Variants in KAZN observed in about 807,000 individuals in gnomAD.
KAZN encodes kazrin.
KAZN carries 40 observed loss-of-function variants against 87.4 expected under a neutral mutation model. That is an observed-to-expected ratio of 0.46 (90% CI 0.36 to 0.60). The LOEUF is 0.60. KAZN is among the 20% of genes least tolerant of loss of function. The probability of loss-of-function intolerance (pLI) is 0.00; values close to 1 mark genes in which losing one functional copy is unlikely to be tolerated. For missense variants in KAZN, 898 were observed against 1,073.9 expected (o/e 0.84, Z 2.29); for synonymous variants, 466 against 458.3 (o/e 1.02, Z -0.22).
Position 14,923,946 on chromosome 1 carries a change from G to A in KAZN, c.227-36738G>A, listed in dbSNP as rs1383143250. 2.6e-5 allele frequency among the ~76,000 whole-genome samples: 4 copies of A among 151,810 alleles called. No individual in the cohort carries two copies. Among genetic ancestry groups the A allele is most frequent in the Admixed American group, 2.6e-4 (4 of 15,240 alleles). ...TCTTTCTGACCCTCCGTGTCCCCGG[G>A]AATGACCGCGTCGGGGATGCACCGA... On this transcript the variant is annotated intron_variant, in intron 1 of 14. Transcript: ENST00000376030. The surrounding 1 kb of genome is among the most constrained non-coding windows in gnomAD (Gnocchi z 4.2).
At chr1:14,892,903 C>T (rs531306384) in intron 1 of KAZN, among the ~76,000 whole-genome samples, 1 of 152,192 alleles carries the variant, frequency 6.6e-6, no homozygotes, top group East Asian at 1.9e-4. Context: ...GACCAGTCTC[C>T]TAAGATTATT....
intron 1 of KAZN, among the ~76,000 whole-genome samples, chr1:14,826,584 G>C (rs550112873): frequency 6.6e-6 from 1 of 152,074 alleles, no homozygotes; most frequent in Admixed American, 6.5e-5. Flanking sequence ...TCTCAGCCTC[G>C]GTCCCGCGCT....
At chr1:14,662,896 A>G (rs56409517) in intron 1 of KAZN, among the ~76,000 whole-genome samples, 4 of 147,644 alleles carry the variant, frequency 2.7e-5, no homozygotes, top group Non-Finnish European at 6.0e-5. Context: ...TATATATTAT[A>G]TATGTAAATA....
chr1:15,110,267 G>GTGTATA (rs1350729867), intron 13 of KAZN, among the ~76,000 whole-genome samples: 2 of 151,008 alleles, frequency 1.3e-5, no homozygotes, highest in Non-Finnish European at 3.0e-5. Flanking sequence ...ACTTGTGTGT[G>GTGTATA]TATATGTGTG....
intron 1 of KAZN, among the ~76,000 whole-genome samples, chr1:14,036,101 G>A (rs1022482680): frequency 6.6e-6 from 1 of 152,198 alleles, no homozygotes; most frequent in African/African-American, 2.4e-5. Context: ...AGCATCCCTG[G>A]CAGGGGGAAC....
chr1:14,425,348 G>T (rs144037027), intron 2 of KAZN, among the ~76,000 whole-genome samples: 1 of 152,172 alleles, frequency 6.6e-6, no homozygotes, highest in Admixed American at 6.5e-5. Context: ...GGCTCCAGCT[G>T]CAGTGTCCTC....
intron 1 of KAZN, among the ~76,000 whole-genome samples, chr1:14,921,369 AC>A (rs1209921636): frequency 6.6e-6 from 1 of 152,208 alleles, no homozygotes; most frequent in Non-Finnish European, 1.5e-5. Flanking sequence ...CCAATGGGCT[AC>A]ATAAAGACTT....
intron 2 of KAZN, among the ~76,000 whole-genome samples, chr1:14,230,865 G>C (rs763254229): frequency 6.6e-6 from 1 of 152,148 alleles, no homozygotes; most frequent in African/African-American, 2.4e-5. Context: ...TCAGTTTAGT[G>C]TTAAGATCAT....
chr1:14,785,628 T>C (rs1212297648), intron 1 of KAZN, among the ~76,000 whole-genome samples: 4 of 152,146 alleles, frequency 2.6e-5, no homozygotes, highest in Non-Finnish European at 5.9e-5. Flanking sequence ...TACCTCTCTA[T>C]CATTATGGCC....
intron 1 of KAZN, among the ~76,000 whole-genome samples, chr1:14,822,915 G>A (rs577796559): frequency 3.3e-5 from 5 of 152,280 alleles, no homozygotes; most frequent in South Asian, 2.1e-4. Flanking sequence ...GCCCTGGCCC[G>A]TGCCGCTTTG....
At chr1:14,045,758 T>C (rs1642043305) in intron 1 of KAZN, among the ~76,000 whole-genome samples, 1 of 152,180 alleles carries the variant, frequency 6.6e-6, no homozygotes, top group Admixed American at 6.5e-5. Flanking sequence ...GGATTAATAA[T>C]AGTAGGGTTG....
intron 1 of KAZN, among the ~76,000 whole-genome samples, chr1:13,896,572 G>A (rs1639054446): frequency 1.3e-5 from 2 of 152,172 alleles, no homozygotes; most frequent in South Asian, 4.1e-4. Flanking sequence ...GATTATAGGA[G>A]TGAGCAACCA....
chr1:14,363,915 GTGTA>G (rs1659734736), intron 2 of KAZN, among the ~76,000 whole-genome samples: 1 of 150,840 alleles, frequency 6.6e-6, no homozygotes, highest in East Asian at 1.9e-4. Flanking sequence ...GCGTGTATGT[GTGTA>G]TGTATTTTTT....
chr1:14,354,480 C>A (rs1271095371), intron 2 of KAZN, among the ~76,000 whole-genome samples: 2 of 151,942 alleles, frequency 1.3e-5, no homozygotes. Flanking sequence ...AAGAAAACAA[C>A]CCAGTACAAA....
At chr1:14,121,862 G>T (rs1423544591) in intron 1 of KAZN, among the ~76,000 whole-genome samples, 1 of 152,188 alleles carries the variant, frequency 6.6e-6, no homozygotes, top group African/African-American at 2.4e-5. Flanking sequence ...TTACTTACAG[G>T]AATATCTGAG....
At chr1:14,111,787 T>C (rs972651956) in intron 1 of KAZN, among the ~76,000 whole-genome samples, 2 of 147,500 alleles carry the variant, frequency 1.4e-5, no homozygotes, top group African/African-American at 5.1e-5. Flanking sequence ...TCGCCCAGGC[T>C]GCAGTGCAGT....
upstream of KAZN, among the ~76,000 whole-genome samples, chr1:14,595,276 C>G (rs1250959251): frequency 1.3e-5 from 2 of 152,170 alleles, no homozygotes; most frequent in Non-Finnish European, 2.9e-5. Flanking sequence ...TGCCGTGGTG[C>G]AGCCATTGTG....
intron 1 of KAZN, among the ~76,000 whole-genome samples, chr1:14,633,722 A>G (rs1679750601): frequency 6.6e-6 from 1 of 152,152 alleles, no homozygotes; most frequent in Admixed American, 6.5e-5. Flanking sequence ...GACTCACAGA[A>G]CATTATCCAT....
At chr1:14,670,408 GGTGGGGC>G (rs1309052068) in intron 1 of KAZN, among the ~76,000 whole-genome samples, 2 of 152,200 alleles carry the variant, frequency 1.3e-5, no homozygotes. Flanking sequence ...GTAGGTCTGA[GGTGGGGC>G]CTGCTGATTT....
Sources: gnomAD v4.1 joint callset for allele counts (sites outside exome capture counted in the v4.1 genomes callset) on GRCh38, gnomAD v4.1.1 for gene constraint, Gnocchi (gnomAD v3.1) non-coding constraint, MANE v1.5 for transcripts, NCBI Gene and HGNC (gene_info 2026-07-23, HGNC 2026-07-21) for gene names.